VPS13C: variants seen among roughly 807,000 people sequenced by gnomAD.
VPS13C encodes intermembrane lipid transfer protein VPS13C.
A neutral mutation model predicts 456.8 loss-of-function variants in VPS13C; 358 were observed. That is an observed-to-expected ratio of 0.78 (90% CI 0.72 to 0.86). VPS13C has a LOEUF of 0.86. VPS13C is among the 40% of genes least tolerant of loss of function. VPS13C has a pLI of 0.00. For missense variants in VPS13C, 4,818 were observed against 4,385.4 expected (o/e 1.10, Z -2.79); for synonymous variants, 1,578 against 1,486.7 (o/e 1.06, Z -1.41).
At chr15:61,978,388 T>C (rs957484821) in intron 23 of VPS13C, among the ~76,000 whole-genome samples, 1 of 152,188 alleles carries the variant, frequency 6.6e-6, no homozygotes, top group Non-Finnish European at 1.5e-5. Flanking sequence ...AGGCTATGAA[T>C]AGGCTTAGAT....
Position 61,869,534 on chromosome 15 carries a change from C to G in VPS13C, c.10714G>C (p.Asp3572His), listed in dbSNP as rs916058319. ...AVARPTGGIVDMASSTFQGIQ... is the reference protein window; with the variant it reads ...AVARPTGGIVHMASSTFQGIQ... Reference sequence around the variant, plus strand: ...CCTTGGAAGGTACTACTGGCCATATCTACGATTCCACCAGTTGGACGGGCC... The same window carrying G: ...CCTTGGAAGGTACTACTGGCCATATGTACGATTCCACCAGTTGGACGGGCC... Residue 3572 changes from aspartate to histidine, a missense_variant, in exon 80 of 85, where the codon GAT (aspartate) becomes CAT (histidine). Asp to His is a moderately conservative substitution (Grantham distance 81). This residue lies in a region of VPS13C where 261 missense variants were observed against 234.1 expected (regional missense o/e 1.11). Transcript: ENST00000644861. The G allele has an allele frequency of 9.9e-6, 16 of 1,614,034 alleles. No individual in the cohort carries two copies. The highest frequency in any genetic ancestry group is 1.7e-5 in the Admixed American group (1 of 59,988).
intron 71 of VPS13C, 121 bp downstream of exon 71, chr15:61,881,442 A>T: frequency 1.0e-6 from 1 of 967,116 alleles, no homozygotes; most frequent in Non-Finnish European, 1.5e-6. Context: ...AAAGTGAATT[A>T]ATAGGTTCAG....
chr15:62,000,498 G>A (rs2046571951), intron 16 of VPS13C, 66 bp downstream of exon 16: 3 of 1,436,502 alleles, frequency 2.1e-6, no homozygotes, highest in Non-Finnish European at 1.9e-6. Flanking sequence ...TCAATTTCTT[G>A]ATCCTAGGTT....
At position 61,927,185 on chromosome 15, in the gene VPS13C, G is replaced by A. The variant is rs745330476; in HGVS notation, c.6422C>T (p.Ser2141Phe). Residue 2141 changes from serine (S) to phenylalanine (F), a missense_variant, in exon 52 of 85, where the codon TCC (serine) becomes TTC (phenylalanine). Transcript: ENST00000644861. ...AGCTTCCATCATCTGTTCGAGTTTG[G>A]ATGTTGACAGAGAAAGGTTGCACTG... ...SFQCNLSLST[S>F]KLEQMMEASV... The A allele has an allele frequency of 6.2e-7, 1 of 1,614,134 alleles. No homozygotes were observed.
intron 82 of VPS13C, among the ~76,000 whole-genome samples, chr15:61,861,930 T>C (rs1443484050): frequency 1.3e-5 from 2 of 152,014 alleles, no homozygotes; most frequent in Admixed American, 1.3e-4. Flanking sequence ...CAAAACCCCG[T>C]CTCTAATAAA....
intron 15 of VPS13C, among the ~76,000 whole-genome samples, chr15:62,005,001 A>C (rs1166746653): frequency 6.6e-6 from 1 of 151,816 alleles, no homozygotes; most frequent in African/African-American, 2.4e-5. Context: ...TATTCTGTTG[A>C]TTTGGGGTGG....
chr15:62,004,868 G>A (rs1272792604), intron 15 of VPS13C, among the ~76,000 whole-genome samples: 1 of 152,176 alleles, frequency 6.6e-6, no homozygotes, highest in Non-Finnish European at 1.5e-5. Flanking sequence ...TAGTTTGATT[G>A]CCCTGTGATC....
intron 22 of VPS13C, 58 bp from the exon 23 acceptor site, chr15:61,978,807 A>T (rs1349658454): frequency 4.6e-6 from 7 of 1,524,412 alleles, no homozygotes; most frequent in Non-Finnish European, 5.3e-6. Flanking sequence ...ACATACATCA[A>T]CATACTTTAG....
In VPS13C at chr15:61,867,984, A is replaced by C; in HGVS notation, c.10863+675T>G. 1 of 1,373,544 alleles carries C rather than the reference A, an allele frequency of 7.3e-7. No homozygotes were observed. The highest frequency in any genetic ancestry group is 1.0e-6 in the Non-Finnish European group (1 of 965,558). The allele number at this position is 1,373,544 out of a possible 1,614,324, so 85.1% of individuals were successfully genotyped here. On this transcript the variant is annotated intron_variant, in intron 81 of 84. Coordinates refer to ENST00000644861, the MANE Select transcript of VPS13C (RefSeq NM_020821.3). The surrounding 1 kb of genome is among the most constrained non-coding windows in gnomAD (Gnocchi z 5.0). ...GAAAAACAAAGAAAATAAAGTTAGA[A>C]GCATGCAGAAAGATAGATAAAACGT...
At position 62,049,501 on chromosome 15, in the gene VPS13C, T is replaced by C. The variant is rs1435677878; in HGVS notation, c.101-5246A>G. Reference sequence around the variant, plus strand: ...ACCAGTACCATGCTGTTTTGGTTACTGTAGCCTTGCAATATAGTTTGAAGT... The same window carrying C: ...ACCAGTACCATGCTGTTTTGGTTACCGTAGCCTTGCAATATAGTTTGAAGT... On this transcript the variant is annotated intron_variant, in intron 1 of 84. Coordinates refer to ENST00000644861, the MANE Select transcript of VPS13C (RefSeq NM_020821.3). Among the ~76,000 whole-genome samples, 4 of 152,274 alleles carry C rather than the reference T, an allele frequency of 2.6e-5. No homozygotes were observed. In the East Asian group the frequency reaches 7.7e-4, roughly 29 times the overall value.
At chr15:62,000,116 C>G (rs2046554539) in intron 16 of VPS13C, among the ~76,000 whole-genome samples, 1 of 152,116 alleles carries the variant, frequency 6.6e-6, no homozygotes, top group Non-Finnish European at 1.5e-5. Flanking sequence ...AATCCCAGCA[C>G]TTTGAGAGGC....
chr15:61,932,662 C>A (rs1470424706), intron 49 of VPS13C, among the ~76,000 whole-genome samples: 5 of 152,166 alleles, frequency 3.3e-5, no homozygotes, highest in Non-Finnish European at 5.9e-5. Flanking sequence ...CTGGTTAGAA[C>A]TCCACCCCTT....
chr15:61,992,917 G>T (rs913795341), intron 16 of VPS13C, among the ~76,000 whole-genome samples: 1 of 151,804 alleles, frequency 6.6e-6, no homozygotes, highest in Non-Finnish European at 1.5e-5. Context: ...TGCAGCCAAG[G>T]TTCAGAACCA....
At position 61,880,707 on chromosome 15, in the gene VPS13C, G is replaced by C. The variant is rs201818419; in HGVS notation, c.9904C>G (p.Gln3302Glu). 1 of 1,584,732 alleles carries C rather than the reference G, an allele frequency of 6.3e-7. No homozygotes were observed. The highest frequency in any genetic ancestry group is 2.3e-5 in the East Asian group (1 of 44,236). ...AERRRTKLIQQDIDALNAELM... is the reference protein window; with the variant it reads ...AERRRTKLIQEDIDALNAELM... ...TCTGCATTTAGAGCATCAATATCTT[G>C]TTGGATTAACTTTGTCTGAAAAAAA... The change falls in exon 73 of 85, where the codon CAA becomes GAA. Residue 3302 changes from glutamine (Q) to glutamate (E), a missense_variant. Around this residue, in one of 3 missense-constraint regions of VPS13C, gnomAD observed 4,552 missense variants for 4,130.6 expected, o/e 1.10. Transcript: ENST00000644861.
chr15:61,928,366 T>G (rs2043938728), intron 51 of VPS13C, among the ~76,000 whole-genome samples: 1 of 152,162 alleles, frequency 6.6e-6, no homozygotes, highest in African/African-American at 2.4e-5. Context: ...TATTAGTTGT[T>G]TCTTTCAATT....
intron 63 of VPS13C, 92 bp downstream of exon 63, chr15:61,911,748 T>C (rs1378170164): frequency 4.4e-6 from 5 of 1,139,200 alleles, no homozygotes; most frequent in Admixed American, 3.6e-5. Context: ...ATAAATATGA[T>C]AGTCTGAAAA....
At chr15:62,051,511 A>G (rs2048616758) in intron 1 of VPS13C, among the ~76,000 whole-genome samples, 1 of 152,198 alleles carries the variant, frequency 6.6e-6, no homozygotes, top group Non-Finnish European at 1.5e-5. Flanking sequence ...ACTCAATGCT[A>G]TCTTCAGAAT....
chr15:61,982,438 G>A (rs759397186), intron 21 of VPS13C, 21 bp downstream of exon 21: 4 of 1,578,760 alleles, frequency 2.5e-6, no homozygotes, highest in South Asian at 2.3e-5. Flanking sequence ...TGATGCTTAT[G>A]TAGACACTCA....
chr15:61,907,399 C>T lies in VPS13C; in HGVS notation c.8979-9G>A. 1.2e-6 allele frequency: 2 copies of T among 1,612,574 alleles called. No homozygotes were observed. The highest frequency in any genetic ancestry group is 2.2e-5 in the East Asian group (1 of 44,848). ...TTTCTTCTGGTGACCCACTAAAACA[C>T]AATGAACAGAGAGAAAATCAGAATA... On this transcript the variant is annotated splice_polypyrimidine_tract_variant and intron_variant, in intron 65 of 84. Transcript: ENST00000644861.
Sources: allele counts gnomAD v4.1 joint callset (sites outside exome capture counted in the v4.1 genomes callset), GRCh38; gene constraint gnomAD v4.1.1; regional missense constraint gnomAD v4.1.1; non-coding constraint Gnocchi (gnomAD v3.1); transcripts MANE v1.5; gene names NCBI Gene and HGNC (gene_info 2026-07-23, HGNC 2026-07-21).